The following RXYLT1 variants were observed in gnomAD, a reference collection of about 807,000 sequenced individuals.
The protein encoded by RXYLT1 is ribitol-5-phosphate xylosyltransferase 1.
A neutral mutation model predicts 43.5 loss-of-function variants in RXYLT1; 41 were observed. The ratio of observed to expected loss-of-function variants is 0.94; its 90% CI spans 0.73 to 1.22. The LOEUF is 1.22. Ranked by LOEUF, RXYLT1 falls within the 50% of genes most tolerant of loss-of-function variation. RXYLT1 has a pLI of 0.00. For missense variants in RXYLT1, 514 were observed against 532.0 expected (o/e 0.97, Z 0.33); for synonymous variants, 166 against 194.4 (o/e 0.85, Z 1.21).
chr12:63,782,760 T>G (rs1284999506), intron 2 of RXYLT1: 4 of 346,804 alleles, frequency 1.2e-5, no homozygotes, highest in Non-Finnish European at 2.3e-5. Context: ...AATATTCAGA[T>G]CTTCTGATCC....
Position 63,779,918 on chromosome 12 carries a change from C to T in RXYLT1, c.-43C>T. 5 of 1,606,108 alleles carry T rather than the reference C, an allele frequency of 3.1e-6. No homozygotes were observed. Among genetic ancestry groups the T allele is most frequent in the Non-Finnish European group, 4.2e-6 (5 of 1,178,408 alleles). On this transcript the variant is annotated 5_prime_UTR_variant, in exon 1 of 6. Coordinates refer to ENST00000261234, the MANE Select transcript of RXYLT1 (RefSeq NM_014254.3). ...GCCGGTGTCGCGGATTCTCTTTCCG[C>T]CCGCTCCATGGCGGTGGATGCCTGA... is the stretch of plus-strand genomic sequence containing the variant.
At chr12:63,788,015 G>A (rs559239004) in intron 3 of RXYLT1, among the ~76,000 whole-genome samples, 285 of 152,328 alleles carry the variant, frequency 1.9e-3, no homozygotes, top group African/African-American at 6.6e-3. Context: ...TAGCAGGTAT[G>A]AGGACATGAA....
At chr12:63,803,781 T>G (rs530393866) in intron 4 of RXYLT1, 2 of 152,258 alleles carry the variant, frequency 1.3e-5, no homozygotes, top group South Asian at 4.1e-4. Flanking sequence ...AGTATATTTC[T>G]TATATAGGTC....
chr12:63,793,876 A>G (rs1897971728), intron 3 of RXYLT1, among the ~76,000 whole-genome samples: 1 of 152,240 alleles, frequency 6.6e-6, no homozygotes, highest in South Asian at 2.1e-4. Context: ...TTACCTAAAA[A>G]GAACTTTGGG....
intron 2 of RXYLT1, among the ~76,000 whole-genome samples, 191 bp from the exon 3 acceptor site, chr12:63,784,779 T>C (rs973724322): frequency 6.6e-6 from 1 of 152,240 alleles, no homozygotes; most frequent in Non-Finnish European, 1.5e-5. Flanking sequence ...TTCTGAGCTC[T>C]GTCTCTCATT....
rs748119742 is a variant in RXYLT1, at chr12:63,802,416, A to G, written c.743+11A>G. The G allele has an allele frequency of 1.9e-6, 3 of 1,539,378 alleles. No homozygotes were observed. The highest frequency in any genetic ancestry group is 2.6e-6 in the Non-Finnish European group (3 of 1,144,356). ...TTTAGGAGTAGCAACGTAAGTACAA[A>G]ATATGATTAAACATTTTTAGGCCCT... is the stretch of plus-strand genomic sequence containing the variant. On this transcript the variant is annotated intron_variant, in intron 4 of 5. Transcript: ENST00000261234.
intron 3 of RXYLT1, among the ~76,000 whole-genome samples, chr12:63,794,941 G>A (rs1198326292): frequency 1.3e-5 from 2 of 151,992 alleles, no homozygotes; most frequent in Non-Finnish European, 2.9e-5. Flanking sequence ...ATGTATTTTG[G>A]TATGTTAATG....
At chr12:63,800,350 A>T (rs1898132073) in intron 3 of RXYLT1, among the ~76,000 whole-genome samples, 1 of 152,204 alleles carries the variant, frequency 6.6e-6, no homozygotes, top group Non-Finnish European at 1.5e-5. Context: ...AAATGTTTTT[A>T]TCCCCAGCAG....
intron 4 of RXYLT1, among the ~76,000 whole-genome samples, chr12:63,803,473 C>T (rs1297632971): frequency 6.6e-6 from 1 of 152,024 alleles, no homozygotes; most frequent in African/African-American, 2.4e-5. Context: ...ATCATACATT[C>T]ATTATTCATC....
chr12:63,780,630 C>CT (rs1897659017), intron 1 of RXYLT1, among the ~76,000 whole-genome samples: 1 of 152,186 alleles, frequency 6.6e-6, no homozygotes, highest in Non-Finnish European at 1.5e-5. Context: ...ACGATAGTAT[C>CT]TAAGACTGGT....
At chr12:63,807,870 T>C (rs921468509) in intron 5 of RXYLT1, 1 of 152,560 alleles carries the variant, frequency 6.6e-6, no homozygotes, top group Admixed American at 6.5e-5. Context: ...GCCGCGTCTA[T>C]CTTTCTTTAC....
intron 3 of RXYLT1, among the ~76,000 whole-genome samples, chr12:63,794,059 A>G (rs1897975941): frequency 6.6e-6 from 1 of 152,206 alleles, no homozygotes; most frequent in Non-Finnish European, 1.5e-5. Context: ...AATATAAGAG[A>G]AAGGAGGTTG....
intron 3 of RXYLT1, among the ~76,000 whole-genome samples, chr12:63,794,239 GTGTAGCTGT>G (rs1338746656): frequency 6.6e-6 from 1 of 152,110 alleles, no homozygotes; most frequent in Non-Finnish European, 1.5e-5. Flanking sequence ...CTCTATTGAT[GTGTAGCTGT>G]TGTAGGACAC....
In RXYLT1 at chr12:63,804,609, T is replaced by C. The variant is rs563976494; in HGVS notation, c.744-625T>C. On this transcript the variant is annotated intron_variant, in intron 4 of 5. Transcript: ENST00000261234. ...GATGTTTTGAAATATATTTACAACGTAGAATGCTTAAATCAGACTAACAAA... is the reference window on the plus strand; with the variant it reads ...GATGTTTTGAAATATATTTACAACGCAGAATGCTTAAATCAGACTAACAAA... 5.3e-5 allele frequency: 8 copies of C among 152,330 alleles called. No homozygotes were observed. The South Asian group carries it at 1.5e-3, about 28-fold the overall frequency. 9.4% of individuals were successfully genotyped at this position (152,330 alleles called of 1,614,324 possible).
intron 1 of RXYLT1, chr12:63,780,370 A>T (rs1897650701): frequency 8.6e-6 from 11 of 1,286,448 alleles, no homozygotes; most frequent in Non-Finnish European, 1.1e-5. Context: ...ACAGGCGCGC[A>T]CGCCTTTCAA....
At chr12:63,799,920 T>A (rs1399641067) in intron 3 of RXYLT1, among the ~76,000 whole-genome samples, 1 of 152,194 alleles carries the variant, frequency 6.6e-6, no homozygotes, top group Admixed American at 6.5e-5. Flanking sequence ...CCCCTCAGAT[T>A]CTGCATATTG....
intron 5 of RXYLT1, chr12:63,805,618 A>G: frequency 2.5e-6 from 1 of 404,058 alleles, no homozygotes; most frequent in Admixed American, 4.3e-5. Flanking sequence ...TTGAAGAGGA[A>G]CACTGGTAAC....
chr12:63,800,068 G>A (rs1898124992), intron 3 of RXYLT1, among the ~76,000 whole-genome samples: 1 of 152,088 alleles, frequency 6.6e-6, no homozygotes, highest in African/African-American at 2.4e-5. Context: ...TAAATCATAT[G>A]GTACATGCAC....
chr12:63,792,215 C>A (rs1374261028), intron 3 of RXYLT1, among the ~76,000 whole-genome samples: 3 of 152,166 alleles, frequency 2.0e-5, no homozygotes, highest in Non-Finnish European at 4.4e-5. Flanking sequence ...ATCTTGAAAT[C>A]TAAGAACTGA....
Sources: allele counts gnomAD v4.1 joint callset (sites outside exome capture counted in the v4.1 genomes callset), GRCh38; gene constraint gnomAD v4.1.1; transcripts MANE v1.5; gene names NCBI Gene and HGNC (gene_info 2026-07-23, HGNC 2026-07-21).